PTCRA: variants seen among roughly 807,000 people sequenced by gnomAD.
PTCRA encodes pre T-cell antigen receptor alpha.
A neutral mutation model predicts 13.4 loss-of-function variants in PTCRA; 9 were observed. That is an observed-to-expected ratio of 0.67 (90% CI 0.41 to 1.18). The LOEUF is 1.18. Among genes scored for constraint, PTCRA ranks in the 50% most tolerant of loss-of-function variants. PTCRA has a pLI of 0.01. For synonymous variants in PTCRA, 153 were observed against 161.9 expected (o/e 0.94, Z 0.42); for missense variants, 353 against 359.8 (o/e 0.98, Z 0.15).
rs1462964977 is a variant in PTCRA, at chr6:42,925,169, G to T, written c.425-92G>T. 1.4e-6 allele frequency: 2 copies of T among 1,480,714 alleles called. No individual in the cohort carries two copies. The highest frequency in any genetic ancestry group is 1.3e-5 in the South Asian group (1 of 75,772). The allele number at this position is 1,480,714 out of a possible 1,614,324, so 91.7% of individuals were successfully genotyped here. ...CTGGAGGAGGGGGTGAAGGGGACGG[G>T]CAAGGGCAGAGGACAAGGCCCTCTC... On this transcript the variant is annotated intron_variant, in intron 3 of 3. Transcript: ENST00000304672. The surrounding 1 kb of genome is among the most constrained non-coding windows in gnomAD (Gnocchi z 4.4).
rs746191504 is a variant in PTCRA at position 42,923,003 on chromosome 6, C to G, written c.59-24C>G. The G allele has an allele frequency of 8.7e-6, 14 of 1,611,818 alleles. No individual in the cohort carries two copies. In the East Asian group the frequency reaches 3.1e-4, roughly 36 times the overall value. ...GGGAGGCCAAAAGCTGGTCTAGCAC[C>G]CACAGGTACATGCTCTCTTGCAGGT... On this transcript the variant is annotated intron_variant, in intron 1 of 3. Transcript: ENST00000304672.
chr6:42,925,384 C>A lies in PTCRA; in HGVS notation c.548C>A (p.Ala183Glu). ...CCCGCGGGCCCGCTGCCTTCCCCCG[C>A]AACCACCACCCGCCTGCGAGCCCTC... Reference protein sequence around the residue: ...CDPAGPLPSPATTTRLRALGS... With the variant: ...CDPAGPLPSPETTTRLRALGS... The change falls in exon 4 of 4, where the codon GCA becomes GAA. Residue 183 changes from alanine to glutamate, a missense_variant. Physicochemically the swap from Ala to Glu is moderately radical, Grantham distance 107. Coordinates refer to ENST00000304672, the MANE Select transcript of PTCRA (RefSeq NM_138296.3). The surrounding 1 kb of genome is among the most constrained non-coding windows in gnomAD (Gnocchi z 4.4). The A allele has an allele frequency of 1.3e-6, 2 of 1,554,558 alleles. No homozygotes were observed. The highest frequency in any genetic ancestry group is 1.7e-6 in the Non-Finnish European group (2 of 1,149,006).
chr6:42,925,213 T>TAGGG lies in PTCRA; in HGVS notation c.425-47_425-44dup. The TAGGG allele has an allele frequency of 1.9e-6, 3 of 1,542,364 alleles. No homozygotes were observed. The highest frequency in any genetic ancestry group is 2.6e-6 in the Non-Finnish European group (3 of 1,150,376). On this transcript the variant is annotated intron_variant, in intron 3 of 3. Transcript: ENST00000304672. The surrounding 1 kb of genome is among the most constrained non-coding windows in gnomAD (Gnocchi z 4.4). ...CCCTCTCCGCCGTTCTCTCCTGGGG[T>TAGGG]AGGGGGCTGCGGGCTCCTGCGGGCT...
chr6:42,922,910 A>T, intron 1 of PTCRA, 117 bp from the exon 2 acceptor site: 1 of 937,476 alleles, frequency 1.1e-6, no homozygotes, highest in South Asian at 1.5e-5. Context: ...ATGTAGATGG[A>T]TGGTGGAAGG....
Position 42,923,213 on chromosome 6 carries a change from C to T in PTCRA, c.245C>T (p.Thr82Met), listed in dbSNP as rs773148448. The T allele has an allele frequency of 2.0e-5, 32 of 1,614,126 alleles. No homozygotes were observed. The highest frequency in any genetic ancestry group is 4.0e-5 in the African/African-American group (3 of 74,944). ...TTCACCTATGGCCCTTCCCCAGCAA[C>T]GGATGGCACCTGGACCAACTTGGCC... ...DAFTYGPSPA[T>M]DGTWTNLAHL... The change falls in exon 2 of 4, where the codon ACG becomes ATG. Residue 82 changes from threonine to methionine, a missense_variant. Transcript: ENST00000304672.
chr6:42,925,756 G>T lies in PTCRA; in HGVS notation c.*74G>T. On this transcript the variant is annotated 3_prime_UTR_variant, in exon 4 of 4. Coordinates refer to ENST00000304672, the MANE Select transcript of PTCRA (RefSeq NM_138296.3). This position sits in a 1 kb window ranked among gnomAD's most constrained non-coding sequence, Gnocchi z 4.4. ...TGCCATCCAAAAGGGGGCCCCTTGA[G>T]AATGGTGATCCACCCAGTTACAGGG... The T allele has an allele frequency of 9.6e-7, 1 of 1,044,486 alleles. No homozygotes were observed. The highest frequency in any genetic ancestry group is 3.1e-5 in the Admixed American group (1 of 32,598). The allele number at this position is 1,044,486 out of a possible 1,614,324, so 64.7% of individuals were successfully genotyped here. A position where few individuals can be genotyped will look rare whatever the true frequency, so the allele number is the denominator to read the frequency against.
In PTCRA at chr6:42,925,521, C is replaced by T. The variant is rs184524047; in HGVS notation, c.685C>T (p.Pro229Ser). 8 of 1,579,104 alleles carry T rather than the reference C, an allele frequency of 5.1e-6. No homozygotes were observed. The highest frequency in any genetic ancestry group is 6.9e-6 in the Non-Finnish European group (8 of 1,161,410). Residue 229 changes from proline to serine, a missense_variant, in exon 4 of 4, where the codon CCC becomes TCC. Pro to Ser is a moderately conservative substitution (Grantham distance 74). Coordinates refer to ENST00000304672, the MANE Select transcript of PTCRA (RefSeq NM_138296.3). The surrounding 1 kb of genome is among the most constrained non-coding windows in gnomAD (Gnocchi z 4.4). ...GGGTGACACCCCTCCGGGTCGGAAGCCCGGGAGCCCAGTATGGGGGGAAGG... is the reference window on the plus strand; with the variant it reads ...GGGTGACACCCCTCCGGGTCGGAAGTCCGGGAGCCCAGTATGGGGGGAAGG... ...RWGDTPPGRKPGSPVWGEGSY... is the reference protein window; with the variant it reads ...RWGDTPPGRKSGSPVWGEGSY...
intron 1 of PTCRA, among the ~76,000 whole-genome samples, chr6:42,922,436 T>G (rs112002389): frequency 6.6e-6 from 1 of 151,686 alleles, no homozygotes; most frequent in African/African-American, 2.4e-5. Context: ...GATAGACACA[T>G]AGATGAAAGG....
chr6:42,923,470 T>G (rs1767289943), intron 2 of PTCRA, 123 bp downstream of exon 2: 12 of 920,174 alleles, frequency 1.3e-5, no homozygotes, highest in Non-Finnish European at 1.8e-5. Context: ...GCAGAGCCTC[T>G]GGGTGAGGTG....
At position 42,923,011 on chromosome 6, in the gene PTCRA, A is replaced by C. The variant is rs780324552; in HGVS notation, c.59-16A>C. 2.0e-5 allele frequency: 32 copies of C among 1,613,222 alleles called. No homozygotes were observed. Among genetic ancestry groups the C allele is most frequent in the Non-Finnish European group, 2.6e-5 (31 of 1,179,372 alleles). ...AAAAGCTGGTCTAGCACCCACAGGT[A>C]CATGCTCTCTTGCAGGTGTGGGCGG... On this transcript the variant is annotated splice_polypyrimidine_tract_variant and intron_variant, in intron 1 of 3. Coordinates refer to ENST00000304672, the MANE Select transcript of PTCRA (RefSeq NM_138296.3).
At chr6:42,919,002 G>A (rs1445579778) in intron 1 of PTCRA, among the ~76,000 whole-genome samples, 1 of 150,004 alleles carries the variant, frequency 6.7e-6, no homozygotes, top group Non-Finnish European at 1.5e-5. Flanking sequence ...TGTTAGCCAG[G>A]ATGGTCTCGA....
chr6:42,923,447 A>G (rs1410316637), intron 2 of PTCRA, 100 bp downstream of exon 2: 1 of 1,151,136 alleles, frequency 8.7e-7, no homozygotes. Context: ...AAAGGCATGA[A>G]GGGTGTCCAA....
At chr6:42,922,914 TG>T (rs1238200123) in intron 1 of PTCRA, 112 bp from the exon 2 acceptor site, 2 of 980,920 alleles carry the variant, frequency 2.0e-6, no homozygotes, top group African/African-American at 1.6e-5. Context: ...AGATGGATGG[TG>T]GAAGGATGGA....
intron 3 of PTCRA, 83 bp downstream of exon 3, chr6:42,924,356 C>G: frequency 8.5e-7 from 1 of 1,174,520 alleles, no homozygotes; most frequent in South Asian, 1.2e-5. Context: ...CAGCTCTGGC[C>G]TAATGGGTCT....
intron 1 of PTCRA, among the ~76,000 whole-genome samples, chr6:42,922,484 C>T (rs897036626): frequency 2.6e-5 from 4 of 152,084 alleles, no homozygotes; most frequent in African/African-American, 9.7e-5. Context: ...CATGGTGGCT[C>T]ACACCTGTAA....
chr6:42,919,400 G>T (rs533485062), intron 1 of PTCRA, among the ~76,000 whole-genome samples: 7 of 152,078 alleles, frequency 4.6e-5, no homozygotes, highest in East Asian at 1.9e-4. Context: ...CATTTCTTTC[G>T]TTTGGCTATA....
intron 1 of PTCRA, among the ~76,000 whole-genome samples, chr6:42,918,483 G>A (rs950771007): frequency 2.6e-5 from 4 of 151,720 alleles, no homozygotes; most frequent in African/African-American, 4.8e-5. Context: ...GAACCCCGGT[G>A]GGTGGAGGTT....
At chr6:42,917,957 A>G (rs1054399966) in intron 1 of PTCRA, among the ~76,000 whole-genome samples, 7 of 152,146 alleles carry the variant, frequency 4.6e-5, no homozygotes, top group African/African-American at 1.7e-4. Context: ...AAAACAAACA[A>G]AAAGAGTCAG....
In PTCRA at chr6:42,925,712, CTG is replaced by C. The variant is rs750482976; in HGVS notation, c.*35_*36del. The C allele has an allele frequency of 4.2e-6, 6 of 1,417,846 alleles. No individual in the cohort carries two copies. In the Admixed American group the frequency reaches 1.5e-4, roughly 35 times the overall value. 87.8% of individuals were successfully genotyped at this position (1,417,846 alleles called of 1,614,324 possible). On this transcript the variant is annotated 3_prime_UTR_variant, in exon 4 of 4. Coordinates refer to ENST00000304672, the MANE Select transcript of PTCRA (RefSeq NM_138296.3). This position sits in a 1 kb window ranked among gnomAD's most constrained non-coding sequence, Gnocchi z 4.4. ...AGGGCTCTACCTCCCCTGCGTCACA[CTG>C]TGTGAGGCTGTGTCTCTGCCATCCA... is the stretch of plus-strand genomic sequence containing the variant.
Sources: allele counts gnomAD v4.1 joint callset (sites outside exome capture counted in the v4.1 genomes callset), GRCh38; gene constraint gnomAD v4.1.1; non-coding constraint Gnocchi (gnomAD v3.1); transcripts MANE v1.5; gene names NCBI Gene and HGNC (gene_info 2026-07-23, HGNC 2026-07-21).